KCNIP4: variants seen among roughly 807,000 people sequenced by gnomAD.
KCNIP4 encodes Kv channel-interacting protein 4.
A neutral mutation model predicts 34.0 loss-of-function variants in KCNIP4; 12 were observed. That is an observed-to-expected ratio of 0.35 (90% confidence interval 0.23 to 0.57). The LOEUF is 0.57. Among genes scored for constraint, KCNIP4 ranks in the 20% least tolerant of loss-of-function variants. The pLI, the probability that KCNIP4 is intolerant of heterozygous loss-of-function variation, is 0.83. For missense variants in KCNIP4, 238 were observed against 311.7 expected, an observed-to-expected ratio of 0.76 and a Z score of 1.78; for synonymous variants, 124 against 102.2, an observed-to-expected ratio of 1.21 and a Z score of -1.29.
chr4:21,159,382 T>TCTAAATATAAAATGATACAACTTCTAGAA lies in KCNIP4; in HGVS notation c.62-276674_62-276673insTTCTAGAAGTTGTATCATTTTATATTTAG, dbSNP rs1577808067. Among the ~76,000 whole-genome samples the TCTAAATATAAAATGATACAACTTCTAGAA allele has an allele frequency of 7.6e-4, 61 of 80,700 alleles. 23 individuals are homozygous for TCTAAATATAAAATGATACAACTTCTAGAA. The highest frequency in any genetic ancestry group is 1.5e-3 in the African/African-American group (23 of 15,354). 52.9% of individuals were successfully genotyped at this position (80,700 alleles called of 152,430 possible). A position where few individuals can be genotyped will look rare whatever the true frequency, so the allele number is the denominator to read the frequency against. The stretch of plus-strand genomic sequence containing the variant: ...TATTTTTAGAAAATTATACTAAAGA[T>TCTAAATATAAAATGATACAACTTCTAGAA]ATGTTTGAGGGGGAGGAGCCAAGAT... On this transcript the variant is annotated intron_variant, in intron 1 of 8. Coordinates refer to ENST00000382152, the MANE Select transcript of KCNIP4 (RefSeq NM_025221.6).
At chr4:21,661,264 T>C (rs1222059088) in intron 1 of KCNIP4, among the ~76,000 whole-genome samples, 1 of 152,136 alleles carries the variant, frequency 6.6e-6, no homozygotes, top group East Asian at 1.9e-4. Context: ...TTCTTCAAGT[T>C]TGTGTGACCT....
intron 1 of KCNIP4, among the ~76,000 whole-genome samples, chr4:21,038,044 A>C (rs10012319): frequency 0.025 from 3,771 of 152,056 alleles, 149 homozygotes; most frequent in African/African-American, 0.085. Context: ...AGTGCAGTGG[A>C]GCAGCTCACT....
chr4:20,837,165 T>C (rs1241091547), intron 3 of KCNIP4, among the ~76,000 whole-genome samples: 1 of 152,138 alleles, frequency 6.6e-6, no homozygotes, highest in Non-Finnish European at 1.5e-5. Flanking sequence ...GAATATCAGA[T>C]GTTAAGCATA....
intron 1 of KCNIP4, among the ~76,000 whole-genome samples, chr4:21,156,864 G>T (rs1022581160): frequency 1.3e-5 from 2 of 151,908 alleles, no homozygotes; most frequent in Non-Finnish European, 2.9e-5. Flanking sequence ...AACTAATAAG[G>T]TAATATGCAT....
chr4:21,174,320 T>G (rs1754239324), intron 1 of KCNIP4, among the ~76,000 whole-genome samples: 2 of 152,236 alleles, frequency 1.3e-5, no homozygotes, highest in Admixed American at 1.3e-4. Context: ...GTTTGGTTGT[T>G]AGACTGTCCT....
chr4:21,555,170 A>G (rs13133651), intron 1 of KCNIP4, among the ~76,000 whole-genome samples: 65,680 of 151,824 alleles, frequency 0.43, 14,380 homozygotes, highest in East Asian at 0.64. Flanking sequence ...GTTAAATTTG[A>G]GATCACAGAG....
intron 1 of KCNIP4, chr4:21,697,831 A>T (rs1306337150): frequency 4.9e-6 from 1 of 202,454 alleles, no homozygotes; most frequent in East Asian, 1.6e-4. Context: ...CTCATCAGTG[A>T]ATCAGCATGT....
In KCNIP4 at chr4:21,798,278, G is replaced by A. The variant is rs545961817; in HGVS notation, c.61+150293C>T. Among the ~76,000 whole-genome samples, 9 of 151,536 alleles carry A rather than the reference G, an allele frequency of 5.9e-5. No homozygotes were observed. In the South Asian group the frequency reaches 1.5e-3, roughly 25 times the overall value. ...ATGAGAAATAAAATGCAGGATGGGCGTGGTGGTTCACGCCTGTAATTTCAG... is the reference window on the plus strand; with the variant it reads ...ATGAGAAATAAAATGCAGGATGGGCATGGTGGTTCACGCCTGTAATTTCAG... On this transcript the variant is annotated intron_variant, in intron 1 of 8. Coordinates refer to ENST00000382152, the MANE Select transcript of KCNIP4 (RefSeq NM_025221.6).
intron 1 of KCNIP4, among the ~76,000 whole-genome samples, chr4:21,363,368 T>C (rs1222002186): frequency 6.6e-6 from 1 of 152,120 alleles, no homozygotes; most frequent in Non-Finnish European, 1.5e-5. Flanking sequence ...AGATAAGAGA[T>C]ACACTCAAAA....
intron 1 of KCNIP4, among the ~76,000 whole-genome samples, chr4:21,232,049 CT>C (rs1758826782): frequency 6.6e-6 from 1 of 152,140 alleles, no homozygotes; most frequent in African/African-American, 2.4e-5. Flanking sequence ...TACCCCGATG[CT>C]TGTATTTGAC....
intron 1 of KCNIP4, among the ~76,000 whole-genome samples, chr4:21,613,997 A>T (rs543723468): frequency 6.6e-6 from 1 of 152,020 alleles, no homozygotes; most frequent in South Asian, 2.1e-4. Context: ...CAAAAAAAAA[A>T]AAAATTAGCC....
chr4:20,948,980 C>A (rs1732484649), intron 1 of KCNIP4, among the ~76,000 whole-genome samples: 1 of 152,208 alleles, frequency 6.6e-6, no homozygotes, highest in East Asian at 1.9e-4. Flanking sequence ...GAATCCCTGC[C>A]ACCCCTTTTG....
At chr4:21,519,693 C>T (rs1450639645) in intron 1 of KCNIP4, among the ~76,000 whole-genome samples, 7 of 139,756 alleles carry the variant, frequency 5.0e-5, no homozygotes, top group African/African-American at 2.0e-4. Context: ...TGTATATACA[C>T]ACGTGTGTGT....
intron 1 of KCNIP4, among the ~76,000 whole-genome samples, chr4:21,344,038 G>A (rs1484719956): frequency 1.3e-5 from 2 of 152,098 alleles, no homozygotes; most frequent in Non-Finnish European, 2.9e-5. Context: ...GAGTATGACT[G>A]TCTAGGAAAA....
At chr4:21,169,212 G>A (rs752592346) in intron 1 of KCNIP4, among the ~76,000 whole-genome samples, 23 of 152,094 alleles carry the variant, frequency 1.5e-4, no homozygotes, top group South Asian at 6.2e-4. Flanking sequence ...GAGTGCAGTG[G>A]CATGATCATG....
At chr4:21,598,216 T>A (rs1033229884) in intron 1 of KCNIP4, among the ~76,000 whole-genome samples, 10 of 152,136 alleles carry the variant, frequency 6.6e-5, no homozygotes, top group Non-Finnish European at 1.3e-4. Context: ...TTTATACCCA[T>A]TTTAGCATTG....
At chr4:21,099,520 C>A (rs1474546202) in intron 1 of KCNIP4, among the ~76,000 whole-genome samples, 1 of 151,990 alleles carries the variant, frequency 6.6e-6, no homozygotes, top group Non-Finnish European at 1.5e-5. Context: ...GAGCTTAATA[C>A]CTAGGTGATG....
intron 1 of KCNIP4, among the ~76,000 whole-genome samples, chr4:21,836,914 A>ATTATTT (rs1553936356): frequency 8.1e-6 from 1 of 123,538 alleles, no homozygotes; most frequent in Non-Finnish European, 1.6e-5. Flanking sequence ...GCTGGGATAA[A>ATTATTT]TTTTTTTTTT....
intron 1 of KCNIP4, among the ~76,000 whole-genome samples, chr4:21,633,301 T>C (rs1367416653): frequency 6.6e-6 from 1 of 152,100 alleles, no homozygotes; most frequent in Non-Finnish European, 1.5e-5. Flanking sequence ...TTTGGACATA[T>C]AGTTGAGCTG....
Sources: gnomAD v4.1 joint callset for allele counts (sites outside exome capture counted in the v4.1 genomes callset) on GRCh38, gnomAD v4.1.1 for gene constraint, MANE v1.5 for transcripts, NCBI Gene and HGNC (gene_info 2026-07-23, HGNC 2026-07-21) for gene names.